M1AP: variants seen among roughly 807,000 people sequenced by gnomAD.
M1AP encodes meiosis 1 arrest protein.
M1AP carries 39 observed loss-of-function variants against 51.2 expected under a neutral mutation model. The observed-to-expected ratio is 0.76, with a 90% CI of 0.59 to 1.00. The LOEUF is 1.00. M1AP is among the 50% of genes least tolerant of loss of function. The pLI, the probability that M1AP is intolerant of heterozygous loss-of-function variation, is 0.00. For synonymous variants in M1AP, 251 were observed against 249.2 expected, an observed-to-expected ratio of 1.01 and a Z score of -0.07; for missense variants, 545 against 641.2, an observed-to-expected ratio of 0.85 and a Z score of 1.62.
At chr2:74,609,312 C>T (rs13430589) in intron 3 of M1AP, among the ~76,000 whole-genome samples, 12,282 of 152,174 alleles carry the variant, frequency 0.081, 1,392 homozygotes, top group African/African-American at 0.25. Flanking sequence ...ATGCAGTACT[C>T]GTCCTTCTGT....
At position 74,558,160 on chromosome 2, in the gene M1AP, C is replaced by G. The variant is rs550404083; in HGVS notation, c.*556G>C. ...GTCTTTTTTTACACCATCCTCTCCC[C>G]TGTTCTGGGCAGCCCTCCCACCCCC... is the stretch of plus-strand genomic sequence containing the variant. On this transcript the variant is annotated 3_prime_UTR_variant, in exon 11 of 11. Transcript: ENST00000421985. 1 of 153,834 alleles carries G rather than the reference C, an allele frequency of 6.5e-6. No individual in the cohort carries two copies. Among genetic ancestry groups the G allele is most frequent in the African/African-American group, 2.4e-5 (1 of 41,550 alleles). The allele number at this position is 153,834 out of a possible 1,614,324, so 9.5% of individuals were successfully genotyped here.
Position 74,581,196 on chromosome 2 carries a change from G to GT in M1AP, c.769+477dup, listed in dbSNP as rs945072900. ...GGGCACAGGTTGTCCTCCCTGGGGCGTATCTCTGTAGGTTCTTTAGTTTTC... is the reference window on the plus strand; with the variant it reads ...GGGCACAGGTTGTCCTCCCTGGGGCGTTATCTCTGTAGGTTCTTTAGTTTTC... On this transcript the variant is annotated intron_variant, in intron 5 of 10. Transcript: ENST00000421985. Among the ~76,000 whole-genome samples the GT allele has an allele frequency of 7.9e-5, 12 of 152,306 alleles. No individual in the cohort carries two copies. In the East Asian group the frequency reaches 2.3e-3, roughly 29 times the overall value.
chr2:74,630,181 C>T (rs1193868110), intron 2 of M1AP, among the ~76,000 whole-genome samples: 1 of 152,124 alleles, frequency 6.6e-6, no homozygotes, highest in Non-Finnish European at 1.5e-5. Context: ...ATGTGATCCT[C>T]CTTCCTTGGT....
At chr2:74,632,310 G>A (rs1682750918) in intron 2 of M1AP, among the ~76,000 whole-genome samples, 1 of 152,224 alleles carries the variant, frequency 6.6e-6, no homozygotes. Context: ...CAAGGATTCA[G>A]AACCCCTAGC....
intron 4 of M1AP, among the ~76,000 whole-genome samples, chr2:74,603,764 G>A (rs1371625760): frequency 6.6e-6 from 1 of 152,192 alleles, no homozygotes; most frequent in Non-Finnish European, 1.5e-5. Context: ...GTGGCTGCAT[G>A]ATGGTGGAAG....
chr2:74,590,114 G>A (rs1679953252), intron 4 of M1AP, among the ~76,000 whole-genome samples: 1 of 152,154 alleles, frequency 6.6e-6, no homozygotes, highest in South Asian at 2.1e-4. Flanking sequence ...GGTTCTATTT[G>A]GGCTGCTATC....
intron 10 of M1AP, 80 bp from the exon 11 acceptor site, chr2:74,558,954 C>G: frequency 7.3e-7 from 1 of 1,360,694 alleles, no homozygotes; most frequent in South Asian, 1.5e-5. Flanking sequence ...GGCTTCCTGT[C>G]CTAACTCTTT....
At chr2:74,588,107 C>T (rs1019522601) in intron 4 of M1AP, among the ~76,000 whole-genome samples, 1 of 152,196 alleles carries the variant, frequency 6.6e-6, no homozygotes, top group Non-Finnish European at 1.5e-5. Context: ...CATCTTCCCC[C>T]GTCTCACAGG....
intron 4 of M1AP, among the ~76,000 whole-genome samples, chr2:74,584,663 G>A (rs1187195635): frequency 6.6e-6 from 1 of 151,156 alleles, no homozygotes; most frequent in African/African-American, 2.4e-5. Context: ...GAATCTGGAA[G>A]TAAGGAAAAT....
intron 2 of M1AP, among the ~76,000 whole-genome samples, chr2:74,622,633 G>C (rs1682127300): frequency 6.7e-6 from 1 of 148,454 alleles, no homozygotes; most frequent in Non-Finnish European, 1.5e-5. Flanking sequence ...TCTAGTAAAT[G>C]GTGCTGATTT....
rs1219538835 is a variant in M1AP at position 74,558,403 on chromosome 2, AT to A, written c.*312del. 6.2e-4 allele frequency: 191 copies of A among 307,032 alleles called. 1 individual carries two copies. The highest frequency in any genetic ancestry group is 2.1e-4 in the Non-Finnish European group (35 of 166,352). 19.0% of individuals were successfully genotyped at this position (307,032 alleles called of 1,614,324 possible). A position where few individuals can be genotyped will look rare whatever the true frequency, so the allele number is the denominator to read the frequency against. ...TGCTTACACAGAGCTACAAGAAGAA[AT>A]TCTGAGTTATGAATGCTCCTAACAA... On this transcript the variant is annotated 3_prime_UTR_variant, in exon 11 of 11. Transcript: ENST00000421985.
intron 5 of M1AP, among the ~76,000 whole-genome samples, chr2:74,577,346 C>T (rs1207453629): frequency 6.6e-6 from 1 of 152,194 alleles, no homozygotes; most frequent in South Asian, 2.1e-4. Flanking sequence ...GCTTCTGCTC[C>T]AGTAGGTAAC....
chr2:74,565,233 AAAG>A (rs570173499), intron 7 of M1AP, among the ~76,000 whole-genome samples: 25 of 152,232 alleles, frequency 1.6e-4, no homozygotes, highest in Admixed American at 1.4e-3. Context: ...AAAAAAAAAA[AAAG>A]AATTTATTGA....
chr2:74,608,389 C>T (rs1191429839), intron 3 of M1AP, among the ~76,000 whole-genome samples: 2 of 152,226 alleles, frequency 1.3e-5, no homozygotes, highest in East Asian at 3.9e-4. Context: ...ATTTAAGGTC[C>T]CTCCATATCT....
intron 2 of M1AP, among the ~76,000 whole-genome samples, chr2:74,636,331 T>G (rs933056834): frequency 1.3e-5 from 2 of 152,150 alleles, no homozygotes; most frequent in African/African-American, 4.8e-5. Flanking sequence ...TCTTTTACTT[T>G]CAGCCTACAT....
In M1AP at chr2:74,624,550, A is replaced by G. The variant is rs528969045; in HGVS notation, c.241-9401T>C. Among the ~76,000 whole-genome samples the G allele has an allele frequency of 5.3e-5, 8 of 152,332 alleles. No homozygotes were observed. In the East Asian group the frequency reaches 9.6e-4, roughly 18 times the overall value. On this transcript the variant is annotated intron_variant, in intron 2 of 10. Transcript: ENST00000421985. ...GGGAGGGGATTAAAAATATTTAAAA[A>G]GAAAATCAGAATTCCCTTTATAAAA...
At chr2:74,635,082 A>G (rs1311149624) in intron 2 of M1AP, among the ~76,000 whole-genome samples, 1 of 152,250 alleles carries the variant, frequency 6.6e-6, no homozygotes, top group South Asian at 2.1e-4. Flanking sequence ...TTAAATGTTT[A>G]GTAGAATTCT....
chr2:74,584,342 C>T (rs904027551), intron 4 of M1AP, among the ~76,000 whole-genome samples: 16 of 151,236 alleles, frequency 1.1e-4, no homozygotes, highest in Admixed American at 2.6e-4. Flanking sequence ...GGCATGGTGG[C>T]TCATGCCTGT....
intron 4 of M1AP, among the ~76,000 whole-genome samples, chr2:74,601,631 A>G (rs2104679143): frequency 6.6e-6 from 1 of 152,282 alleles, no homozygotes; most frequent in African/African-American, 2.4e-5. Context: ...ATTTTAAAGA[A>G]TAAAATGAAA....
Sources: gnomAD v4.1 joint callset for allele counts (sites outside exome capture counted in the v4.1 genomes callset) on GRCh38, gnomAD v4.1.1 for gene constraint, MANE v1.5 for transcripts, NCBI Gene and HGNC (gene_info 2026-07-23, HGNC 2026-07-21) for gene names.